Variants in ZSWIM6 observed in about 807,000 individuals in gnomAD.
ZSWIM6 encodes the protein zinc finger SWIM domain-containing protein 6.
ZSWIM6 carries 9 observed loss-of-function variants against 113.2 expected under a neutral mutation model. The observed-to-expected ratio is 0.08, with a 90% CI of 0.05 to 0.14. The LOEUF (loss-of-function observed/expected upper bound fraction) is 0.14, where lower values mean the gene tolerates loss of function less well. Ranked by LOEUF, ZSWIM6 falls within the 10% of genes least tolerant of loss-of-function variation. The pLI, the probability that ZSWIM6 is intolerant of heterozygous loss-of-function variation, is 1.00. For missense variants in ZSWIM6, 1,162 were observed against 1,552.2 expected (o/e 0.75, Z 4.22); for synonymous variants, 611 against 606.5 (o/e 1.01, Z -0.11).
intron 1 of ZSWIM6, among the ~76,000 whole-genome samples, chr5:61,413,389 A>G (rs1746185024): frequency 6.6e-6 from 1 of 151,850 alleles, no homozygotes; most frequent in Non-Finnish European, 1.5e-5. Flanking sequence ...TCCATGGTGT[A>G]TATGTGCCAC....
At chr5:61,354,760 T>C (rs142207241) in intron 1 of ZSWIM6, among the ~76,000 whole-genome samples, 3 of 152,288 alleles carry the variant, frequency 2.0e-5, no homozygotes, top group East Asian at 3.9e-4. Flanking sequence ...ATACCCTGGA[T>C]TTTGAATATT....
At chr5:61,379,451 G>A (rs1472309455) in intron 1 of ZSWIM6, among the ~76,000 whole-genome samples, 2 of 151,898 alleles carry the variant, frequency 1.3e-5, no homozygotes, top group African/African-American at 2.4e-5. Flanking sequence ...AAAATTGTAG[G>A]GATTTACTTG....
chr5:61,523,056 C>T (rs1033207778), intron 5 of ZSWIM6, among the ~76,000 whole-genome samples: 1 of 152,122 alleles, frequency 6.6e-6, no homozygotes, highest in African/African-American at 2.4e-5. Context: ...TTTCTAAGGG[C>T]AGTGTTTATA....
At chr5:61,456,614 T>C (rs1250495378) in intron 1 of ZSWIM6, among the ~76,000 whole-genome samples, 1 of 152,182 alleles carries the variant, frequency 6.6e-6, no homozygotes, top group East Asian at 1.9e-4. Flanking sequence ...GCTGTGCATA[T>C]GTATATAAAG....
chr5:61,364,504 G>A (rs1277153233), intron 1 of ZSWIM6, among the ~76,000 whole-genome samples: 1 of 152,134 alleles, frequency 6.6e-6, no homozygotes, highest in East Asian at 1.9e-4. Flanking sequence ...AAATTTCAGA[G>A]TCTATAAATA....
At chr5:61,387,919 G>A (rs911602790) in intron 1 of ZSWIM6, among the ~76,000 whole-genome samples, 2 of 148,734 alleles carry the variant, frequency 1.3e-5, no homozygotes, top group African/African-American at 5.0e-5. Flanking sequence ...TTTGAGGGGG[G>A]GAGAAAAGCA....
chr5:61,516,569 A>G (rs1748949085), intron 4 of ZSWIM6, among the ~76,000 whole-genome samples: 2 of 148,502 alleles, frequency 1.3e-5, no homozygotes, highest in Non-Finnish European at 3.0e-5. Flanking sequence ...TACAGTTTTT[A>G]TATATATTTT....
intron 4 of ZSWIM6, among the ~76,000 whole-genome samples, chr5:61,514,004 A>G (rs1393888356): frequency 6.6e-6 from 1 of 152,106 alleles, no homozygotes; most frequent in Non-Finnish European, 1.5e-5. Context: ...GGTTATGTAG[A>G]ATATATAGAT....
Position 61,538,864 on chromosome 5 carries a change from A to G in ZSWIM6, c.2432A>G (p.His811Arg). ...CCATCAGGAGACCTCACCCGCCCAC[A>G]CCACATTGCATCAGTTGTTCCCAAC... ...TAPSGDLTRP[H>R]HIASVVPNRY... Residue 811 changes from histidine (H) to arginine (R), a missense_variant, in exon 11 of 14, where the codon CAC becomes CGC. This residue lies in a region of ZSWIM6 where 620 missense variants were observed against 804.6 expected (regional missense o/e 0.77). Transcript: ENST00000252744. The G allele has an allele frequency of 6.4e-7, 1 of 1,552,256 alleles. No homozygotes were observed. The highest frequency in any genetic ancestry group is 1.2e-5 in the South Asian group (1 of 84,052).
At chr5:61,406,803 C>CAGAG (rs1746051744) in intron 1 of ZSWIM6, among the ~76,000 whole-genome samples, 3 of 152,062 alleles carry the variant, frequency 2.0e-5, no homozygotes, top group Non-Finnish European at 1.5e-5. Context: ...GCCTCTGCCT[C>CAGAG]CCGGGTTCAA....
intron 1 of ZSWIM6, among the ~76,000 whole-genome samples, chr5:61,343,881 T>C (rs919065743): frequency 6.7e-6 from 1 of 150,218 alleles, no homozygotes; most frequent in African/African-American, 2.5e-5. Flanking sequence ...CTTAGCACTT[T>C]GGACTTTTTT....
At chr5:61,535,651 A>G (rs761991420) in intron 10 of ZSWIM6, 32 bp downstream of exon 10, 1 of 1,549,194 alleles carries the variant, frequency 6.5e-7, no homozygotes. Context: ...GGGCAGAGGC[A>G]GGCCACATTC....
At chr5:61,423,252 C>CA (rs2112126814) in intron 1 of ZSWIM6, among the ~76,000 whole-genome samples, 1 of 151,992 alleles carries the variant, frequency 6.6e-6, no homozygotes, top group African/African-American at 2.4e-5. Flanking sequence ...ACTAAAAATA[C>CA]AAAAAATTAG....
At chr5:61,415,420 C>G (rs965226098) in intron 1 of ZSWIM6, among the ~76,000 whole-genome samples, 1 of 152,124 alleles carries the variant, frequency 6.6e-6, no homozygotes, top group Non-Finnish European at 1.5e-5. Context: ...TATTGAAACC[C>G]TGTCTCTACT....
At chr5:61,456,259 T>C (rs1041907067) in intron 1 of ZSWIM6, among the ~76,000 whole-genome samples, 4 of 152,232 alleles carry the variant, frequency 2.6e-5, no homozygotes, top group Admixed American at 6.5e-5. Flanking sequence ...GAAACCAAAT[T>C]TGTTTTAGGA....
chr5:61,493,561 T>C (rs1469147859), intron 3 of ZSWIM6, among the ~76,000 whole-genome samples: 1 of 152,178 alleles, frequency 6.6e-6, no homozygotes, highest in Admixed American at 6.6e-5. Context: ...GCTTCTCTGA[T>C]GGTAAGTACA....
intron 1 of ZSWIM6, among the ~76,000 whole-genome samples, chr5:61,422,693 A>T (rs1746378411): frequency 6.6e-6 from 1 of 152,200 alleles, no homozygotes. Flanking sequence ...CTTCTAATCC[A>T]TGAACATGGA....
At chr5:61,518,505 AT>A (rs1302757716) in intron 4 of ZSWIM6, among the ~76,000 whole-genome samples, 1 of 151,976 alleles carries the variant, frequency 6.6e-6, no homozygotes, top group Non-Finnish European at 1.5e-5. Flanking sequence ...ATGGTATCTC[AT>A]TGTGGTTTTG....
chr5:61,447,250 TA>T (rs1025836457), intron 1 of ZSWIM6, among the ~76,000 whole-genome samples: 11 of 151,800 alleles, frequency 7.2e-5, no homozygotes, highest in South Asian at 2.1e-4. Context: ...CAAACAGTAT[TA>T]AAAAAAAGTC....
Sources: allele counts gnomAD v4.1 joint callset (sites outside exome capture counted in the v4.1 genomes callset), GRCh38; gene constraint gnomAD v4.1.1; regional missense constraint gnomAD v4.1.1; transcripts MANE v1.5; gene names NCBI Gene and HGNC (gene_info 2026-07-23, HGNC 2026-07-21).